Variants in FNDC3B observed in about 807,000 individuals in gnomAD.
The protein encoded by FNDC3B is fibronectin type III domain containing 3B, also known as fibronectin type III domain-containing protein 3B.
Under a neutral mutation model 151.5 loss-of-function variants are expected in FNDC3B, and 12 were observed. That is an observed-to-expected ratio of 0.08 (90% CI 0.05 to 0.13). The LOEUF (loss-of-function observed/expected upper bound fraction) is 0.13, where lower values mean the gene tolerates loss of function less well. FNDC3B is among the 10% of genes least tolerant of loss of function. The pLI is 1.00. For synonymous variants in FNDC3B, 528 were observed against 549.0 expected (o/e 0.96, Z 0.54); for missense variants, 1,214 against 1,505.3 (o/e 0.81, Z 3.20).
intron 3 of FNDC3B, among the ~76,000 whole-genome samples, chr3:172,135,084 C>T (rs1041810927): frequency 2.6e-5 from 4 of 151,976 alleles, no homozygotes; most frequent in Non-Finnish European, 5.9e-5. Flanking sequence ...GCAATTAAGC[C>T]TCTGGTTATG....
At chr3:172,154,330 C>T (rs1332047588) in intron 3 of FNDC3B, among the ~76,000 whole-genome samples, 1 of 152,140 alleles carries the variant, frequency 6.6e-6, no homozygotes, top group Non-Finnish European at 1.5e-5. Flanking sequence ...ATTCTCCTGC[C>T]TCAGCCTCCC....
In FNDC3B at chr3:172,334,958, T is replaced by C. The variant is rs1446049534; in HGVS notation, c.1656T>C (p.Asn552=). The change falls in exon 15 of 26, where the codon AAT becomes AAC. Residue 552 remains asparagine (N), a synonymous_variant. Transcript: ENST00000415807. Reference sequence around the variant, plus strand: ...TTGTGTTCTAGCTGACTGCTTCTAATACGGAAGGAAAAAGCTGTCCAAGCG... The same window carrying C: ...TTGTGTTCTAGCTGACTGCTTCTAACACGGAAGGAAAAAGCTGTCCAAGCG... The part of the protein sequence containing the change: ...TQYKFRLTAS[N]TEGKSCPSEV... 1 of 1,613,586 alleles carries C rather than the reference T, an allele frequency of 6.2e-7. No homozygotes were observed.
intron 25 of FNDC3B, among the ~76,000 whole-genome samples, chr3:172,384,846 A>G (rs1401844829): frequency 6.6e-6 from 1 of 152,240 alleles, no homozygotes; most frequent in Non-Finnish European, 1.5e-5. Flanking sequence ...ACTAATGCAT[A>G]ATCATATGTA....
chr3:172,190,743 A>C (rs1287554168), intron 3 of FNDC3B, among the ~76,000 whole-genome samples: 1 of 152,180 alleles, frequency 6.6e-6, no homozygotes, highest in Non-Finnish European at 1.5e-5. Context: ...ATCTTGGCTC[A>C]CCGCAACCTC....
At chr3:172,134,520 C>G (rs1053870070) in intron 3 of FNDC3B, 4 of 412,550 alleles carry the variant, frequency 9.7e-6, no homozygotes, top group African/African-American at 8.1e-5. Flanking sequence ...TACCAATATA[C>G]AAACAAACTG....
At chr3:172,144,469 G>A (rs1163644967) in intron 3 of FNDC3B, among the ~76,000 whole-genome samples, 1 of 152,228 alleles carries the variant, frequency 6.6e-6, no homozygotes, top group Admixed American at 6.5e-5. Context: ...CGAGCCTGAA[G>A]GAGTGCATTC....
At chr3:172,107,390 A>G (rs570766470) in intron 1 of FNDC3B, among the ~76,000 whole-genome samples, 1 of 151,822 alleles carries the variant, frequency 6.6e-6, no homozygotes, top group African/African-American at 2.4e-5. Flanking sequence ...TTTTTTTCTT[A>G]TTAGTTTTGC....
chr3:172,343,806 A>T (rs1206442699), intron 18 of FNDC3B, among the ~76,000 whole-genome samples: 1 of 152,240 alleles, frequency 6.6e-6, no homozygotes, highest in African/African-American at 2.4e-5. Context: ...ACCTAGCATT[A>T]GAATATGAAG....
At chr3:172,387,503 T>A (rs1030279198) in intron 25 of FNDC3B, among the ~76,000 whole-genome samples, 7 of 152,252 alleles carry the variant, frequency 4.6e-5, no homozygotes, top group African/African-American at 1.7e-4. Flanking sequence ...TCTGCATGAA[T>A]AAAGGGTCAA....
intron 8 of FNDC3B, 66 bp from the exon 9 acceptor site, chr3:172,298,662 C>G: frequency 2.7e-6 from 3 of 1,123,230 alleles, no homozygotes; most frequent in Non-Finnish European, 4.0e-6. Flanking sequence ...ACTGGACACC[C>G]AAATTCCAAA....
chr3:172,316,787 C>T lies in FNDC3B; in HGVS notation c.1254+5906C>T, dbSNP rs542597592. ...TGATATGATGTTTATCTAAAGAAAC[C>T]TGAATTAATCGTCTCAGCTTTGTCT... On this transcript the variant is annotated intron_variant, in intron 11 of 25. Coordinates refer to ENST00000415807, the MANE Select transcript of FNDC3B (RefSeq NM_022763.4). 3.3e-5 allele frequency among the ~76,000 whole-genome samples: 5 copies of T among 152,220 alleles called. No individual in the cohort carries two copies. The South Asian group carries it at 6.2e-4, about 19-fold the overall frequency.
chr3:172,142,329 A>G (rs1379569296), intron 3 of FNDC3B, among the ~76,000 whole-genome samples: 2 of 152,202 alleles, frequency 1.3e-5, no homozygotes, highest in African/African-American at 4.8e-5. Context: ...AACACTTCAA[A>G]ATAACATGTT....
chr3:172,167,299 G>A (rs185468220), intron 3 of FNDC3B, among the ~76,000 whole-genome samples: 123 of 152,304 alleles, frequency 8.1e-4, no homozygotes, highest in African/African-American at 2.8e-3. Context: ...GGGAGGCTGA[G>A]GCACGAGAAT....
At position 172,295,523 on chromosome 3, in the gene FNDC3B, T is replaced by C; in HGVS notation, c.1001+9T>C. On this transcript the variant is annotated intron_variant, in intron 8 of 25. Transcript: ENST00000415807. The stretch of plus-strand genomic sequence containing the variant: ...TACAAGATAATTTACAGGTTGTGTA[T>C]GTTTCTATTGTTTTTCTTTGCTGCT... 6.2e-7 allele frequency: 1 copy of C among 1,609,156 alleles called. No homozygotes were observed. Among genetic ancestry groups the C allele is most frequent in the Non-Finnish European group, 8.5e-7 (1 of 1,178,216 alleles).
chr3:172,331,175 T>C (rs911171891), intron 13 of FNDC3B, among the ~76,000 whole-genome samples: 1 of 152,156 alleles, frequency 6.6e-6, no homozygotes, highest in Non-Finnish European at 1.5e-5. Context: ...TCTTGTAAAA[T>C]ACAAATAGAT....
At chr3:172,251,083 G>A (rs964080291) in intron 5 of FNDC3B, among the ~76,000 whole-genome samples, 177 bp from the exon 6 acceptor site, 11 of 152,082 alleles carry the variant, frequency 7.2e-5, no homozygotes, top group Admixed American at 4.6e-4. Flanking sequence ...CTCCCAAAGC[G>A]TGAGCCACTG....
intron 3 of FNDC3B, among the ~76,000 whole-genome samples, chr3:172,181,395 C>CAAAAAAAAAAAA (rs755223783): frequency 3.8e-4 from 27 of 71,482 alleles, no homozygotes; most frequent in African/African-American, 6.9e-4. Flanking sequence ...ACTCTGTCTC[C>CAAAAAAAAAAAA]AAAAAAAAAA....
intron 25 of FNDC3B, among the ~76,000 whole-genome samples, chr3:172,387,998 G>A (rs1259183668): frequency 6.6e-6 from 1 of 152,220 alleles, no homozygotes; most frequent in Non-Finnish European, 1.5e-5. Context: ...CCCTCCCATA[G>A]TCATGTAATT....
At chr3:172,289,133 C>T (rs1730181877) in intron 7 of FNDC3B, among the ~76,000 whole-genome samples, 1 of 152,180 alleles carries the variant, frequency 6.6e-6, no homozygotes, top group Non-Finnish European at 1.5e-5. Context: ...AAGGTGTTGG[C>T]AGGGCTATAT....
Sources: allele counts gnomAD v4.1 joint callset (sites outside exome capture counted in the v4.1 genomes callset), GRCh38; gene constraint gnomAD v4.1.1; transcripts MANE v1.5; gene names NCBI Gene and HGNC (gene_info 2026-07-23, HGNC 2026-07-21).